PLS1: variants seen among roughly 807,000 people sequenced by gnomAD.
PLS1 encodes the protein plastin-1.
PLS1 carries 32 observed loss-of-function variants against 73.7 expected under a neutral mutation model. The ratio of observed to expected loss-of-function variants is 0.43; its 90% CI spans 0.33 to 0.58. The LOEUF (loss-of-function observed/expected upper bound fraction) is 0.58. PLS1 is among the 20% of genes least tolerant of loss of function. The pLI is 0.04. For missense variants in PLS1, 633 were observed against 740.5 expected (o/e 0.85, Z 1.68); for synonymous variants, 217 against 261.3 (o/e 0.83, Z 1.63).
chr3:142,615,298 A>G (rs933005576), intron 1 of PLS1, among the ~76,000 whole-genome samples: 1 of 152,172 alleles, frequency 6.6e-6, no homozygotes, highest in Non-Finnish European at 1.5e-5. Flanking sequence ...CATGTTCCAC[A>G]GGAGCAAGAA....
chr3:142,664,167 G>C (rs1055926576), intron 1 of PLS1, 35 bp from the exon 2 acceptor site: 1 of 824,448 alleles, frequency 1.2e-6, no homozygotes, highest in African/African-American at 1.7e-5. Flanking sequence ...GTTTCCAAAG[G>C]CTTCATGCTT....
rs185831773 is a variant in PLS1, at chr3:142,601,719, G to A, written c.-37+5210G>A. On this transcript the variant is annotated intron_variant, in intron 1 of 15. Coordinates refer to ENST00000457734, the MANE Select transcript of PLS1 (RefSeq NM_001145319.2). ...TTTTATAGTGATAAGGTCTTGCTAT[G>A]TTGTCTAGGCTGATCTCAAACTTTT... Among the ~76,000 whole-genome samples, 10 of 152,002 alleles carry A rather than the reference G, an allele frequency of 6.6e-5. No homozygotes were observed. In the East Asian group the frequency reaches 1.9e-3, roughly 29 times the overall value.
chr3:142,674,395 G>A (rs890077136), intron 4 of PLS1, among the ~76,000 whole-genome samples: 1 of 152,070 alleles, frequency 6.6e-6, no homozygotes, highest in Admixed American at 6.6e-5. Flanking sequence ...AATTTTGGGG[G>A]TACCTGCAAA....
At chr3:142,629,350 A>T (rs945464514) in intron 1 of PLS1, among the ~76,000 whole-genome samples, 3 of 151,926 alleles carry the variant, frequency 2.0e-5, no homozygotes, top group African/African-American at 7.3e-5. Context: ...TTACAGGTGC[A>T]CACCACCATG....
intron 14 of PLS1, among the ~76,000 whole-genome samples, chr3:142,704,858 C>T (rs946072053): frequency 6.7e-6 from 1 of 149,416 alleles, no homozygotes; most frequent in Non-Finnish European, 1.5e-5. Flanking sequence ...TGGGGTTTCA[C>T]CATGTTAGCC....
intron 1 of PLS1, among the ~76,000 whole-genome samples, chr3:142,631,305 G>A (rs1483906180): frequency 6.6e-6 from 1 of 152,052 alleles, no homozygotes; most frequent in Middle Eastern, 3.4e-3. Flanking sequence ...CTGGAGGTCA[G>A]GAGTTGGAGA....
Position 142,704,635 on chromosome 3 carries a change from A to ATTTTTTTTTTTTTT in PLS1, c.1629+66_1629+79dup, listed in dbSNP as rs10631186. On this transcript the variant is annotated intron_variant, in intron 14 of 15. Transcript: ENST00000457734. The stretch of plus-strand genomic sequence containing the variant: ...TTTTTTTTTGTAGGTATAGGAAGGA[A>ATTTTTTTTTTTTTT]TTTTTTTTTTTTTTTTTTTTTTTTT... 29 of 261,986 alleles carry ATTTTTTTTTTTTTT rather than the reference A, an allele frequency of 1.1e-4. 1 individual carries two copies. The African/African-American group carries it at 1.2e-3, about 10-fold the overall frequency. The allele number at this position is 261,986 out of a possible 1,614,324, so 16.2% of individuals were successfully genotyped here.
chr3:142,708,257 A>AT (rs1453432795), intron 14 of PLS1, among the ~76,000 whole-genome samples: 2 of 151,796 alleles, frequency 1.3e-5, no homozygotes, highest in African/African-American at 2.4e-5. Context: ...TTATTTATTT[A>AT]TTTTTTTGAG....
At chr3:142,679,197 C>T (rs533584600) in intron 6 of PLS1, among the ~76,000 whole-genome samples, 85 of 151,920 alleles carry the variant, frequency 5.6e-4, no homozygotes, top group African/African-American at 1.9e-3. Flanking sequence ...GAGTAGGTTG[C>T]GAAAATTTTC....
chr3:142,689,204 T>G (rs1023501848), intron 9 of PLS1, among the ~76,000 whole-genome samples: 4 of 151,872 alleles, frequency 2.6e-5, no homozygotes, highest in Non-Finnish European at 4.4e-5. Context: ...GAGGCCGAGG[T>G]GGGCGGATCA....
intron 1 of PLS1, among the ~76,000 whole-genome samples, chr3:142,608,848 T>C (rs1252006615): frequency 1.3e-5 from 2 of 152,206 alleles, no homozygotes; most frequent in Non-Finnish European, 2.9e-5. Flanking sequence ...ACATGTCTTC[T>C]GAAAATGCAG....
At chr3:142,698,105 T>C in intron 12 of PLS1, 38 bp downstream of exon 12, 2 of 1,162,848 alleles carry the variant, frequency 1.7e-6, no homozygotes, top group Non-Finnish European at 2.6e-6. Context: ...TTGTTATTGT[T>C]CTGATATGAA....
chr3:142,605,991 C>G (rs1028969116), intron 1 of PLS1, among the ~76,000 whole-genome samples: 4 of 152,102 alleles, frequency 2.6e-5, no homozygotes, highest in African/African-American at 9.7e-5. Context: ...AGTATTTCTG[C>G]AAGGTTACTA....
At chr3:142,627,233 T>G (rs976910452) in intron 1 of PLS1, among the ~76,000 whole-genome samples, 14 of 152,142 alleles carry the variant, frequency 9.2e-5, no homozygotes, top group Admixed American at 5.9e-4. Flanking sequence ...TTTAGGTGTT[T>G]GGGAAGGGGA....
intron 1 of PLS1, among the ~76,000 whole-genome samples, chr3:142,607,600 G>A (rs1455743042): frequency 6.6e-6 from 1 of 152,152 alleles, no homozygotes; most frequent in African/African-American, 2.4e-5. Flanking sequence ...ACATTAATTA[G>A]TATGACATGT....
At chr3:142,614,041 T>A (rs1209046291) in intron 1 of PLS1, among the ~76,000 whole-genome samples, 1 of 152,234 alleles carries the variant, frequency 6.6e-6, no homozygotes, top group Non-Finnish European at 1.5e-5. Context: ...CCAGATCTTT[T>A]AAGGAACTAG....
rs199564941 is a variant in PLS1 at position 142,689,848 on chromosome 3, T to G, written c.1177+35T>G. On this transcript the variant is annotated intron_variant, in intron 10 of 15. Transcript: ENST00000457734. ...TTCTGCCTTTAATTGACTTGCTATA[T>G]TTATCTTCTTATGGTATTGTCTTAC... 1.2e-5 allele frequency: 16 copies of G among 1,327,112 alleles called. No individual in the cohort carries two copies. In the East Asian group the frequency reaches 3.9e-4, roughly 32 times the overall value. The allele number at this position is 1,327,112 out of a possible 1,614,324, so 82.2% of individuals were successfully genotyped here. A position where few individuals can be genotyped will look rare whatever the true frequency, so the allele number is the denominator to read the frequency against.
chr3:142,705,960 T>A (rs1225571557), intron 14 of PLS1, among the ~76,000 whole-genome samples: 1 of 152,202 alleles, frequency 6.6e-6, no homozygotes, highest in African/African-American at 2.4e-5. Context: ...TCTCTGTGTT[T>A]TAAACATAAA....
intron 1 of PLS1, among the ~76,000 whole-genome samples, chr3:142,615,263 AT>A (rs1030401542): frequency 3.3e-5 from 5 of 152,136 alleles, no homozygotes; most frequent in African/African-American, 7.2e-5. Flanking sequence ...TCTTCTCTCC[AT>A]TTACATTACT....
Sources: allele counts gnomAD v4.1 joint callset (sites outside exome capture counted in the v4.1 genomes callset), GRCh38; gene constraint gnomAD v4.1.1; transcripts MANE v1.5; gene names NCBI Gene and HGNC (gene_info 2026-07-23, HGNC 2026-07-21).